CTSO: variants seen among roughly 807,000 people sequenced by gnomAD.
CTSO encodes cathepsin O.
Under a neutral mutation model 42.4 loss-of-function variants are expected in CTSO, and 40 were observed. That is an observed-to-expected ratio of 0.94 (90% CI 0.73 to 1.23). CTSO has a LOEUF of 1.23. Ranked by LOEUF, CTSO falls within the 50% of genes most tolerant of loss-of-function variation. CTSO has a pLI of 0.00. For synonymous variants in CTSO, 156 were observed against 146.2 expected (o/e 1.07, Z -0.48); for missense variants, 441 against 396.0 (o/e 1.11, Z -0.96).
intron 5 of CTSO, among the ~76,000 whole-genome samples, chr4:155,930,104 A>G (rs1279355136): frequency 6.6e-6 from 1 of 152,180 alleles, no homozygotes; most frequent in Non-Finnish European, 1.5e-5. Context: ...ATTGGCCAGA[A>G]CTCAGTCATA....
Position 155,928,382 on chromosome 4 carries a change from C to G in CTSO, c.885G>C (p.Trp295Cys). The G allele has an allele frequency of 6.2e-7, 1 of 1,613,360 alleles. No homozygotes were observed. The highest frequency in any genetic ancestry group is 8.5e-7 in the Non-Finnish European group (1 of 1,179,594). The stretch of plus-strand genomic sequence containing the variant: ...TGACATGGGCATAACCATCTACTCC[C>G]CAAGAACTTCCCCAGGAATTCCGCA... ...WIVRNSWGSS[W>C]GVDGYAHVKM... is the part of the protein sequence containing the mutation. The change falls in exon 7 of 8, where the codon TGG (tryptophan) becomes TGC (cysteine). Residue 295 changes from tryptophan to cysteine, a missense_variant. Trp to Cys is a radical substitution (Grantham distance 215). Coordinates refer to ENST00000433477, the MANE Select transcript of CTSO (RefSeq NM_001334.3).
chr4:155,928,773 T>C (rs941505956), intron 6 of CTSO, among the ~76,000 whole-genome samples: 35 of 152,182 alleles, frequency 2.3e-4, no homozygotes, highest in Admixed American at 2.3e-3. Flanking sequence ...TTCCCAACAA[T>C]TATTCTAAAT....
chr4:155,942,004 T>C (rs1012556664), intron 3 of CTSO, among the ~76,000 whole-genome samples: 6 of 152,210 alleles, frequency 3.9e-5, no homozygotes, highest in Non-Finnish European at 5.9e-5. Context: ...TTGGTATCTG[T>C]GATACAGCTA....
Position 155,929,616 on chromosome 4 carries a change from C to T in CTSO, c.764G>A (p.Gly255Glu), listed in dbSNP as rs552008584. 2 of 1,613,900 alleles carry T rather than the reference C, an allele frequency of 1.2e-6. No homozygotes were observed. The highest frequency in any genetic ancestry group is 4.5e-5 in the East Asian group (2 of 44,874). ...AGAGCAGTGATGCTGTATAATGCCT[C>T]CCAGATAATCTTGCCAGCTCACTGC... The part of the protein sequence containing the change: ...VDAVSWQDYL[G>E]GIIQHHCSSG... Residue 255 changes from glycine to glutamate, a missense_variant, in exon 6 of 8, where the codon GGA becomes GAA. Transcript: ENST00000433477.
chr4:155,936,171 C>CTTTATCCCCAATGAG (rs1187744164), intron 5 of CTSO, among the ~76,000 whole-genome samples: 2 of 152,034 alleles, frequency 1.3e-5, no homozygotes, highest in Non-Finnish European at 1.5e-5. Context: ...AGATGTTGAC[C>CTTTATCCCCAATGAG]ACGGTACTCA....
intron 5 of CTSO, among the ~76,000 whole-genome samples, chr4:155,932,516 C>T (rs1743254327): frequency 6.6e-6 from 1 of 152,156 alleles, no homozygotes; most frequent in Non-Finnish European, 1.5e-5. Context: ...CACACTCACC[C>T]AACTTGCAAC....
chr4:155,945,118 G>T (rs1427288657), intron 1 of CTSO, among the ~76,000 whole-genome samples: 3 of 151,868 alleles, frequency 2.0e-5, no homozygotes, highest in African/African-American at 7.3e-5. Flanking sequence ...TTAGCCGGGC[G>T]TGGTGGTGGG....
intron 1 of CTSO, among the ~76,000 whole-genome samples, chr4:155,948,822 G>C (rs1465953522): frequency 6.6e-6 from 1 of 152,190 alleles, no homozygotes; most frequent in Non-Finnish European, 1.5e-5. Flanking sequence ...AGAGGAAAAT[G>C]GTCATGTTCA....
intron 7 of CTSO, among the ~76,000 whole-genome samples, chr4:155,926,783 C>A (rs1743135439): frequency 2.0e-5 from 3 of 152,146 alleles, no homozygotes; most frequent in African/African-American, 7.2e-5. Context: ...TCTCCACTCA[C>A]CCTTAGTAGC....
chr4:155,949,632 TA>T (rs1221329650), intron 1 of CTSO, among the ~76,000 whole-genome samples: 21 of 152,226 alleles, frequency 1.4e-4, no homozygotes, highest in African/African-American at 4.3e-4. Context: ...GGATAAATCA[TA>T]AATTGTACAC....
chr4:155,946,056 T>G (rs568661339), intron 1 of CTSO, among the ~76,000 whole-genome samples: 2 of 152,144 alleles, frequency 1.3e-5, no homozygotes, highest in Non-Finnish European at 2.9e-5. Flanking sequence ...GACTCTTGAG[T>G]GTAGGCAATG....
Position 155,924,405 on chromosome 4 carries a change from G to A in CTSO, c.*1631C>T, listed in dbSNP as rs1197137757. 5.9e-5 allele frequency: 9 copies of A among 152,180 alleles called. No individual in the cohort carries two copies. Among genetic ancestry groups the A allele is most frequent in the African/African-American group, 7.2e-5 (3 of 41,536 alleles). 9.4% of individuals were successfully genotyped at this position (152,180 alleles called of 1,614,324 possible). ...ACCTGAGTCAACACACATTCTTTTC[G>A]GATTGGTTCTGACTGGCGTAAGAAG... On this transcript the variant is annotated 3_prime_UTR_variant, in exon 8 of 8. Transcript: ENST00000433477.
At chr4:155,934,420 G>C (rs890326619) in intron 5 of CTSO, among the ~76,000 whole-genome samples, 59 of 152,304 alleles carry the variant, frequency 3.9e-4, no homozygotes, top group African/African-American at 1.4e-3. Context: ...GCTCCACACA[G>C]AGTCCCACAG....
intron 1 of CTSO, among the ~76,000 whole-genome samples, chr4:155,951,670 T>A (rs1230276823): frequency 6.6e-6 from 1 of 152,174 alleles, no homozygotes; most frequent in Admixed American, 6.5e-5. Flanking sequence ...ATCAAGGACT[T>A]TCTTGAACCA....
intron 2 of CTSO, 47 bp downstream of exon 2, chr4:155,943,109 G>T: frequency 9.3e-7 from 1 of 1,080,718 alleles, no homozygotes; most frequent in Non-Finnish European, 1.4e-6. Context: ...AGTTAAGCAA[G>T]CAAATTAAAA....
At chr4:155,932,099 T>C (rs1487863764) in intron 5 of CTSO, among the ~76,000 whole-genome samples, 1 of 152,128 alleles carries the variant, frequency 6.6e-6, no homozygotes, top group Admixed American at 6.6e-5. Flanking sequence ...GTAGTTTGAG[T>C]CCTGAAATTT....
At chr4:155,946,912 G>C (rs1338746240) in intron 1 of CTSO, among the ~76,000 whole-genome samples, 1 of 152,166 alleles carries the variant, frequency 6.6e-6, no homozygotes, top group Non-Finnish European at 1.5e-5. Flanking sequence ...GGCGAGTGCA[G>C]TGGCGTGATC....
intron 7 of CTSO, among the ~76,000 whole-genome samples, chr4:155,927,905 C>A (rs1743159860): frequency 6.6e-6 from 1 of 152,010 alleles, no homozygotes; most frequent in African/African-American, 2.4e-5. Context: ...AATACTAATG[C>A]TTAGTTTTCG....
chr4:155,945,944 C>T (rs945444756), intron 1 of CTSO, among the ~76,000 whole-genome samples: 5 of 152,106 alleles, frequency 3.3e-5, no homozygotes, highest in Non-Finnish European at 7.4e-5. Context: ...CACACACACA[C>T]ATACGCACGC....
Sources: allele counts gnomAD v4.1 joint callset (sites outside exome capture counted in the v4.1 genomes callset), GRCh38; gene constraint gnomAD v4.1.1; transcripts MANE v1.5; gene names NCBI Gene and HGNC (gene_info 2026-07-23, HGNC 2026-07-21).